Variants in CDON observed in about 807,000 individuals in gnomAD.
The protein encoded by CDON is cell adhesion associated, oncogene regulated.
A neutral mutation model predicts 120.9 loss-of-function variants in CDON; 73 were observed. The ratio of observed to expected loss-of-function variants is 0.60; its 90% CI spans 0.50 to 0.73. CDON has a LOEUF of 0.73. Ranked by LOEUF, CDON falls within the 30% of genes least tolerant of loss-of-function variation. The probability of loss-of-function intolerance (pLI) is 0.00; values close to 1 mark genes in which losing one functional copy is unlikely to be tolerated. For synonymous variants in CDON, 566 were observed against 573.5 expected (o/e 0.99, Z 0.19); for missense variants, 1,470 against 1,587.3 (o/e 0.93, Z 1.26).
intron 12 of CDON, among the ~76,000 whole-genome samples, chr11:125,996,996 GC>G (rs1946807262): frequency 6.6e-6 from 1 of 151,998 alleles, no homozygotes; most frequent in African/African-American, 2.4e-5. Context: ...GGGCAACATG[GC>G]AAAACCCTGT....
At chr11:125,977,883 G>C (rs1460539592) in intron 18 of CDON, among the ~76,000 whole-genome samples, 1 of 151,764 alleles carries the variant, frequency 6.6e-6, no homozygotes, top group East Asian at 1.9e-4. Context: ...TAACATTACT[G>C]TGAAAAAAAT....
At chr11:126,004,121 G>C (rs1947046009) in intron 9 of CDON, 45 bp from the exon 10 acceptor site, 1 of 1,587,708 alleles carries the variant, frequency 6.3e-7, no homozygotes, top group Non-Finnish European at 8.6e-7. Context: ...AGGAGATGGA[G>C]GATAGGAAAT....
At chr11:126,045,065 G>A (rs181739753) in intron 1 of CDON, among the ~76,000 whole-genome samples, 3 of 152,076 alleles carry the variant, frequency 2.0e-5, no homozygotes, top group Admixed American at 6.6e-5. Flanking sequence ...TTGCTCCGTC[G>A]CCCAGGCTGG....
chr11:126,017,084 T>C lies in CDON; in HGVS notation c.928+4A>G, dbSNP rs771088142. The C allele has an allele frequency of 6.2e-7, 1 of 1,612,974 alleles. No homozygotes were observed. Among genetic ancestry groups the C allele is most frequent in the East Asian group, 2.2e-5 (1 of 44,876 alleles). ...TTGAAAAAAATTAAAAACTAACATC[T>C]TACCAAGTACATTAACCATGTAAGT... On this transcript the variant is annotated splice_donor_region_variant and intron_variant, in intron 6 of 19. Coordinates refer to ENST00000531738, the MANE Select transcript of CDON (RefSeq NM_001378964.1).
chr11:125,967,443 C>T (rs670263), intron 18 of CDON, among the ~76,000 whole-genome samples: 1,872 of 152,210 alleles, frequency 0.012, 23 homozygotes, highest in Middle Eastern at 0.027. Context: ...CTTCTATTAT[C>T]TGTCTGCTTC....
At chr11:126,019,571 T>C in intron 4 of CDON, 48 bp downstream of exon 4, 1 of 1,604,400 alleles carries the variant, frequency 6.2e-7, no homozygotes, top group East Asian at 2.2e-5. Flanking sequence ...GCTTATTTAA[T>C]GAGCATTTGT....
chr11:125,998,936 G>T (rs558804439), intron 11 of CDON, among the ~76,000 whole-genome samples: 8 of 152,262 alleles, frequency 5.3e-5, no homozygotes, highest in African/African-American at 1.9e-4. Context: ...CCCATGCCAT[G>T]CTCCTCAATT....
chr11:125,993,555 T>G (rs1312654643), intron 14 of CDON, among the ~76,000 whole-genome samples: 1 of 152,204 alleles, frequency 6.6e-6, no homozygotes, highest in Non-Finnish European at 1.5e-5. Context: ...AAGAGTTCAC[T>G]CCCTGTAACT....
At chr11:125,975,017 C>A (rs1315116389) in intron 18 of CDON, among the ~76,000 whole-genome samples, 1 of 151,902 alleles carries the variant, frequency 6.6e-6, no homozygotes, top group African/African-American at 2.4e-5. Context: ...CTGATCCCCT[C>A]CCTCCCTTCC....
chr11:126,045,129 G>A (rs1484599102), intron 1 of CDON, among the ~76,000 whole-genome samples: 1 of 152,106 alleles, frequency 6.6e-6, no homozygotes, highest in African/African-American at 2.4e-5. Flanking sequence ...GGGTGCAAGC[G>A]ATTCTCCTGC....
intron 18 of CDON, among the ~76,000 whole-genome samples, chr11:125,975,119 G>A (rs1031056743): frequency 1.3e-5 from 2 of 152,164 alleles, no homozygotes; most frequent in African/African-American, 4.8e-5. Flanking sequence ...TTATGATGCT[G>A]CTACCCCAGT....
chr11:125,968,026 C>T (rs943812295), intron 18 of CDON, among the ~76,000 whole-genome samples: 1 of 151,866 alleles, frequency 6.6e-6, no homozygotes, highest in Admixed American at 6.6e-5. Context: ...CTGGCTAAAA[C>T]CTATATTTTA....
intron 1 of CDON, among the ~76,000 whole-genome samples, chr11:126,037,562 A>G (rs180921628): frequency 6.6e-6 from 1 of 152,174 alleles, no homozygotes; most frequent in East Asian, 1.9e-4. Context: ...AGCAGAATAA[A>G]ATAACAGAGA....
intron 14 of CDON, among the ~76,000 whole-genome samples, chr11:125,991,245 A>C (rs1275453780): frequency 6.6e-6 from 1 of 152,238 alleles, no homozygotes; most frequent in Admixed American, 6.5e-5. Flanking sequence ...TATAGGAAAT[A>C]TCAGCAAAGA....
intron 4 of CDON, among the ~76,000 whole-genome samples, chr11:126,019,210 C>T (rs1412900122): frequency 6.6e-6 from 1 of 152,144 alleles, no homozygotes; most frequent in Non-Finnish European, 1.5e-5. Flanking sequence ...ACCCTGCATG[C>T]ATGCAGCCGG....
At chr11:126,008,048 T>A (rs1042949579) in intron 8 of CDON, among the ~76,000 whole-genome samples, 1 of 152,036 alleles carries the variant, frequency 6.6e-6, no homozygotes, top group Non-Finnish European at 1.5e-5. Flanking sequence ...TACAACCATA[T>A]CTGTCAAAGA....
At chr11:126,042,623 C>T (rs1301004765) in intron 1 of CDON, among the ~76,000 whole-genome samples, 2 of 152,012 alleles carry the variant, frequency 1.3e-5, no homozygotes, top group Admixed American at 6.6e-5. Flanking sequence ...TATTTATTTA[C>T]TTTAGTTTTA....
At chr11:125,980,977 C>T in intron 17 of CDON, 72 bp downstream of exon 17, 2 of 1,479,352 alleles carry the variant, frequency 1.4e-6, no homozygotes, top group Non-Finnish European at 9.5e-7. Flanking sequence ...CAAAGCCAAG[C>T]ATGCTGTCCC....
At position 126,034,518 on chromosome 11, in the gene CDON, A is replaced by C. The variant is rs1259189598; in HGVS notation, c.-61-10981T>G. ...GGGGGCAAAAGCTCAGTTAGGTTCT[A>C]TTCACAATATTTGTGTGTTTAAAAA... On this transcript the variant is annotated intron_variant, in intron 1 of 19. Coordinates refer to ENST00000531738, the MANE Select transcript of CDON (RefSeq NM_001378964.1). The surrounding 1 kb of genome is among the most constrained non-coding windows in gnomAD (Gnocchi z 4.5). Among the ~76,000 whole-genome samples, 1 of 152,034 alleles carries C rather than the reference A, an allele frequency of 6.6e-6. No homozygotes were observed. The highest frequency in any genetic ancestry group is 2.4e-5 in the African/African-American group (1 of 41,372).
Sources: gnomAD v4.1 joint callset for allele counts (sites outside exome capture counted in the v4.1 genomes callset) on GRCh38, gnomAD v4.1.1 for gene constraint, Gnocchi (gnomAD v3.1) non-coding constraint, MANE v1.5 for transcripts, NCBI Gene and HGNC (gene_info 2026-07-23, HGNC 2026-07-21) for gene names.